PBRM1: variants seen among roughly 807,000 people sequenced by gnomAD.
PBRM1 encodes the protein polybromo 1.
A neutral mutation model predicts 194.5 loss-of-function variants in PBRM1; 27 were observed. The observed-to-expected ratio is 0.14, with a 90% CI of 0.10 to 0.19. The LOEUF is 0.19. PBRM1 is among the 10% of genes least tolerant of loss of function. The pLI, the probability that PBRM1 is intolerant of heterozygous loss-of-function variation, is 1.00. For missense variants in PBRM1, 1,466 were observed against 2,077.2 expected (o/e 0.71, Z 5.72); for synonymous variants, 655 against 693.2 (o/e 0.94, Z 0.87).
exon 24 of PBRM1, chr3:52,563,489 G>C: frequency 6.2e-7 from 1 of 1,612,934 alleles, no homozygotes; most frequent in South Asian, 1.1e-5. Flanking sequence ...GGAACAATTG[G>C]TTTTCTGAAA....
chr3:52,567,565 C>CAAAAA (rs10644120), intron 22 of PBRM1, among the ~76,000 whole-genome samples: 5 of 91,702 alleles, frequency 5.5e-5, no homozygotes, highest in African/African-American at 1.8e-4. Context: ...TAGGTAATCT[C>CAAAAA]AAAAAAAAAA....
intron 13 of PBRM1, among the ~76,000 whole-genome samples, chr3:52,621,174 T>C (rs2095259317): frequency 6.6e-6 from 1 of 152,216 alleles, no homozygotes; most frequent in South Asian, 2.1e-4. Context: ...CCCTATTTGA[T>C]ACTTCTGGCT....
chr3:52,628,834 A>C lies in PBRM1; in HGVS notation c.1443+60T>G, dbSNP rs57869735. On this transcript the variant is annotated intron_variant, in intron 12 of 29. Coordinates refer to ENST00000296302, the Ensembl canonical transcript of PBRM1. ...ACACATCTTACTAGAACACACTCAAAACATGCAAAATTATTTTAATCATAT... is the reference window on the plus strand; with the variant it reads ...ACACATCTTACTAGAACACACTCAACACATGCAAAATTATTTTAATCATAT... 0.03 allele frequency: 44,869 copies of C among 1,501,086 alleles called. 2,109 individuals carry two copies. Among genetic ancestry groups the C allele is most frequent in the African/African-American group, 0.21 (15,561 of 72,454 alleles). 93.0% of individuals were successfully genotyped at this position (1,501,086 alleles called of 1,614,324 possible).
intron 11 of PBRM1, among the ~76,000 whole-genome samples, chr3:52,631,422 T>C (rs1270501352): frequency 6.6e-6 from 1 of 152,204 alleles, no homozygotes; most frequent in African/African-American, 2.4e-5. Flanking sequence ...GCAAGCACAT[T>C]AAATATCTGC....
intron 24 of PBRM1, among the ~76,000 whole-genome samples, chr3:52,562,674 G>A (rs2083946535): frequency 6.6e-6 from 1 of 151,612 alleles, no homozygotes; most frequent in Non-Finnish European, 1.5e-5. Flanking sequence ...CTGCCGAGTA[G>A]CTGGGACTAC....
At position 52,643,098 on chromosome 3, in the gene PBRM1, AC is replaced by A. The variant is rs1446338377; in HGVS notation, c.995+149del. On this transcript the variant is annotated intron_variant, in intron 9 of 29. Transcript: ENST00000296302. ...CCACTGTGCCCACCCTAGTAACTCA[AC>A]CTTTTAAATAAACCATTTGACAACA... 6.2e-6 allele frequency: 4 copies of A among 642,118 alleles called. No homozygotes were observed. In the African/African-American group the frequency reaches 7.2e-5, roughly 11 times the overall value. The allele number at this position is 642,118 out of a possible 1,614,324, so 39.8% of individuals were successfully genotyped here.
chr3:52,678,349 C>T, intron 2 of PBRM1, 151 bp downstream of exon 3: 1 of 562,172 alleles, frequency 1.8e-6, no homozygotes, highest in Non-Finnish European at 3.2e-6. Flanking sequence ...AGCTTCACTA[C>T]AGCTTGATTA....
chr3:52,683,811 G>GCC (rs2097256614), upstream of PBRM1, among the ~76,000 whole-genome samples: 2 of 47,336 alleles, frequency 4.2e-5, no homozygotes, highest in Non-Finnish European at 8.6e-5. Context: ...GAGTAAGACT[G>GCC]TCTCCAAAAA....
At chr3:52,563,223 T>C in intron 24 of PBRM1, 60 bp downstream of exon 26, 4 of 1,338,040 alleles carry the variant, frequency 3.0e-6, no homozygotes, top group South Asian at 2.5e-5. Context: ...ACTTTGGTTT[T>C]GAGTCTGCTG....
chr3:52,633,481 C>T (rs370877347), intron 11 of PBRM1, among the ~76,000 whole-genome samples: 18 of 152,138 alleles, frequency 1.2e-4, no homozygotes, highest in African/African-American at 4.3e-4. Flanking sequence ...CACAGGTTTA[C>T]AAATACCTCT....
chr3:52,597,013 T>G (rs961381655), intron 17 of PBRM1, among the ~76,000 whole-genome samples: 1 of 152,106 alleles, frequency 6.6e-6, no homozygotes, highest in Non-Finnish European at 1.5e-5. Flanking sequence ...CTGACAATTG[T>G]CCAGTCCACT....
intron 7 of PBRM1, among the ~76,000 whole-genome samples, chr3:52,645,708 G>A (rs764285872): frequency 2.0e-5 from 3 of 152,084 alleles, no homozygotes; most frequent in Non-Finnish European, 2.9e-5. Flanking sequence ...AGTGACTAAC[G>A]GCAGGTGGTG....
intron 26 of PBRM1, 111 bp from the exon 29 acceptor site, chr3:52,554,990 G>T (rs145877340): frequency 3.9e-6 from 3 of 760,316 alleles, no homozygotes; most frequent in Admixed American, 6.5e-5. Flanking sequence ...CCTTAGTACT[G>T]CATGATATAA....
rs2153422832 is a variant in PBRM1 at position 52,609,708 on chromosome 3, C to T, written c.2172G>A (p.Met724Ile). The change falls in exon 16 of 30, where the codon ATG becomes ATA. Residue 724 changes from methionine (M) to isoleucine (I), a missense_variant. By Grantham distance (10) the Met-to-Ile change is conservative (BLOSUM62 1). Around this residue, in one of 5 missense-constraint regions of PBRM1, gnomAD observed 687 missense variants for 946.2 expected, o/e 0.73. Transcript: ENST00000296302. The surrounding 1 kb of genome is among the most constrained non-coding windows in gnomAD (Gnocchi z 4.1). ...TAAACATCATGACAAAGTCCTCAAC[C>T]ATAGAGTCAATATCTTGGTACTTGT... The T allele has an allele frequency of 1.2e-6, 2 of 1,612,808 alleles. No individual in the cohort carries two copies. Among genetic ancestry groups the T allele is most frequent in the Non-Finnish European group, 1.7e-6 (2 of 1,179,592 alleles).
intron 15 of PBRM1, among the ~76,000 whole-genome samples, chr3:52,612,266 A>AAAAAAAAAAAAAAAAAG (rs2094671787): frequency 6.8e-6 from 1 of 147,368 alleles, no homozygotes; most frequent in African/African-American, 2.5e-5. Context: ...CTCAAAAAAA[A>AAAAAAAAAAAAAAAAAG]AAAAAAAAAA....
At chr3:52,631,217 T>C (rs532092566) in intron 11 of PBRM1, among the ~76,000 whole-genome samples, 1 of 152,078 alleles carries the variant, frequency 6.6e-6, no homozygotes, top group African/African-American at 2.4e-5. Context: ...ACGCCTGTAA[T>C]CCCAGCACTT....
intron 5 of PBRM1, among the ~76,000 whole-genome samples, chr3:52,657,697 T>C (rs190802747): frequency 5.9e-4 from 90 of 152,224 alleles, no homozygotes; most frequent in African/African-American, 2.0e-3. Flanking sequence ...CTCAAACTCC[T>C]GACCTCAGGT....
chr3:52,582,962 T>C (rs13078422), intron 20 of PBRM1, among the ~76,000 whole-genome samples: 49,940 of 150,042 alleles, frequency 0.33, 9,429 homozygotes, highest in Admixed American at 0.46. Context: ...ACGGGCGTGG[T>C]GGTGAGCGCC....
At chr3:52,589,239 T>G in exon 18 of PBRM1, 1 of 1,535,354 alleles carries the variant, frequency 6.5e-7, no homozygotes, top group Non-Finnish European at 8.7e-7. Context: ...CAGAGGAATC[T>G]TCACTCTTTT....
Sources: allele counts gnomAD v4.1 joint callset (sites outside exome capture counted in the v4.1 genomes callset), GRCh38; gene constraint gnomAD v4.1.1; regional missense constraint gnomAD v4.1.1; non-coding constraint Gnocchi (gnomAD v3.1); transcripts MANE v1.5; gene names NCBI Gene and HGNC (gene_info 2026-07-23, HGNC 2026-07-21).